Variants in SLC24A2 observed in about 807,000 individuals in gnomAD.
The protein encoded by SLC24A2 is solute carrier family 24 member 2.
SLC24A2 carries 36 observed loss-of-function variants against 62.0 expected under a neutral mutation model. The observed-to-expected ratio is 0.58, with a 90% confidence interval of 0.44 to 0.77. SLC24A2 has a LOEUF of 0.77. SLC24A2 is among the 30% of genes least tolerant of loss of function. The pLI, the probability that SLC24A2 is intolerant of heterozygous loss-of-function variation, is 0.00. For missense variants in SLC24A2, 846 were observed against 817.9 expected (o/e 1.03, Z -0.42); for synonymous variants, 358 against 294.0 (o/e 1.22, Z -2.23).
At chr9:20,042,884 C>T in the SLC24A2 span, among the ~76,000 whole-genome samples, 1 of 152,118 alleles carries the variant, frequency 6.6e-6, no homozygotes, top group African/African-American at 2.4e-5. Context: ...TGCTTTGAGG[C>T]ACCACAAGCC....
chr9:20,055,225 C>A, the SLC24A2 span, among the ~76,000 whole-genome samples: 1 of 152,054 alleles, frequency 6.6e-6, no homozygotes, highest in African/African-American at 2.4e-5. Context: ...AGATCTAGTG[C>A]TCTCATGGGA....
At chr9:20,286,724 C>G in the SLC24A2 span, among the ~76,000 whole-genome samples, 1 of 152,150 alleles carries the variant, frequency 6.6e-6, no homozygotes, top group Non-Finnish European at 1.5e-5. Context: ...CTATTTAAAT[C>G]ATGACACTTG....
the SLC24A2 span, among the ~76,000 whole-genome samples, chr9:20,111,573 A>G: frequency 2.0e-5 from 3 of 152,150 alleles, no homozygotes; most frequent in Admixed American, 6.5e-5. Context: ...CTTTCTTCTC[A>G]TGGAGCAGCA....
At chr9:20,128,385 T>A in the SLC24A2 span, among the ~76,000 whole-genome samples, 2 of 152,136 alleles carry the variant, frequency 1.3e-5, no homozygotes, top group African/African-American at 2.4e-5. Context: ...ATGTTAAGAT[T>A]CAAGTAAATA....
chr9:20,130,259 AAGTT>A, the SLC24A2 span, among the ~76,000 whole-genome samples: 1 of 152,080 alleles, frequency 6.6e-6, no homozygotes, highest in African/African-American at 2.4e-5. Flanking sequence ...ACTCTCAAGA[AAGTT>A]AGCTCATTGA....
In SLC24A2 at chr9:19,726,101, G is replaced by C. The variant is rs372388010; in HGVS notation, c.930+59836C>G. ...ATCCTCACTGAAGAATGAAAGCGGA[G>C]TCAAGGCCTATGAGCCCTGATCAAG... is the stretch of plus-strand genomic sequence containing the variant. On this transcript the variant is annotated intron_variant, in intron 2 of 10. Transcript: ENST00000341998. Among the ~76,000 whole-genome samples the C allele has an allele frequency of 2.0e-5, 3 of 152,308 alleles. No individual in the cohort carries two copies. The East Asian group carries it at 5.8e-4, about 29-fold the overall frequency.
rs1319587161 is a variant in SLC24A2 at position 19,508,839 on chromosome 9, A to G, written c.*7314T>C. The G allele has an allele frequency of 1.3e-5, 2 of 152,112 alleles. No homozygotes were observed. The highest frequency in any genetic ancestry group is 2.9e-5 in the Non-Finnish European group (2 of 68,028). The allele number at this position is 152,112 out of a possible 1,614,324, so 9.4% of individuals were successfully genotyped here. ...AAATTTGTGATGAAGTTGAAACATT[A>G]AAGTTTTTAGTTGTGGGGACATCTT... On this transcript the variant is annotated 3_prime_UTR_variant, in exon 11 of 11. Coordinates refer to ENST00000341998, the MANE Select transcript of SLC24A2 (RefSeq NM_020344.4).
the SLC24A2 span, among the ~76,000 whole-genome samples, chr9:20,104,032 TC>T: frequency 1.3e-5 from 2 of 151,944 alleles, no homozygotes; most frequent in African/African-American, 4.8e-5. Context: ...AAGCCAAGGC[TC>T]AAGAACTACA....
intron 2 of SLC24A2, among the ~76,000 whole-genome samples, chr9:19,678,831 C>A (rs1819630948): frequency 6.6e-6 from 1 of 152,148 alleles, no homozygotes. Flanking sequence ...TCATTGTTCA[C>A]AGAATTGATA....
At chr9:19,582,889 C>T (rs1442998551) in intron 5 of SLC24A2, among the ~76,000 whole-genome samples, 1 of 152,102 alleles carries the variant, frequency 6.6e-6, no homozygotes, top group African/African-American at 2.4e-5. Context: ...CCACTTTTTC[C>T]TTCCACCCCT....
At chr9:20,273,330 C>A in the SLC24A2 span, among the ~76,000 whole-genome samples, 1 of 152,136 alleles carries the variant, frequency 6.6e-6, no homozygotes, top group South Asian at 2.1e-4. Context: ...GCCTTATTCC[C>A]AGAGAAAAGA....
the SLC24A2 span, among the ~76,000 whole-genome samples, chr9:19,895,228 TG>T: frequency 2.7e-5 from 4 of 149,696 alleles, no homozygotes; most frequent in Non-Finnish European, 4.5e-5. Context: ...AGGTTTATTT[TG>T]TTTTTTTTTT....
the SLC24A2 span, among the ~76,000 whole-genome samples, chr9:20,133,482 T>C: frequency 6.6e-6 from 1 of 152,166 alleles, no homozygotes; most frequent in Non-Finnish European, 1.5e-5. Context: ...TATTCTCACT[T>C]TCAAATTAAA....
chr9:19,982,988 C>T, the SLC24A2 span, among the ~76,000 whole-genome samples: 1 of 152,062 alleles, frequency 6.6e-6, no homozygotes, highest in African/African-American at 2.4e-5. Context: ...ACTCAGAAAA[C>T]TAGAAATAGA....
chr9:20,242,626 A>C, the SLC24A2 span, among the ~76,000 whole-genome samples: 1 of 152,142 alleles, frequency 6.6e-6, no homozygotes, highest in Non-Finnish European at 1.5e-5. Flanking sequence ...GATGTGTCGG[A>C]TTTTATCTTC....
At chr9:20,076,232 TCA>T in the SLC24A2 span, among the ~76,000 whole-genome samples, 3 of 152,294 alleles carry the variant, frequency 2.0e-5, no homozygotes, top group East Asian at 5.8e-4. Flanking sequence ...CCCTAGAATT[TCA>T]CAGTTAGATG....
At chr9:20,117,875 C>T in the SLC24A2 span, among the ~76,000 whole-genome samples, 2 of 152,088 alleles carry the variant, frequency 1.3e-5, no homozygotes. Context: ...ACTAATTTTA[C>T]AGATGAAGAA....
At chr9:20,297,937 G>C in the SLC24A2 span, among the ~76,000 whole-genome samples, 1 of 152,160 alleles carries the variant, frequency 6.6e-6, no homozygotes, top group African/African-American at 2.4e-5. Flanking sequence ...GTCAGTTCAA[G>C]TACACAATAT....
At chr9:19,642,321 T>C (rs995920248) in intron 2 of SLC24A2, among the ~76,000 whole-genome samples, 2 of 152,070 alleles carry the variant, frequency 1.3e-5, no homozygotes, top group African/African-American at 4.8e-5. Flanking sequence ...TAGTTGGTAT[T>C]AGAGGGAGCA....
Sources: allele counts gnomAD v4.1 joint callset (sites outside exome capture counted in the v4.1 genomes callset), GRCh38; gene constraint gnomAD v4.1.1; transcripts MANE v1.5; gene names NCBI Gene and HGNC (gene_info 2026-07-23, HGNC 2026-07-21).